Variants in DYNC2LI1 observed in about 807,000 individuals in gnomAD.
DYNC2LI1 encodes cytoplasmic dynein 2 light intermediate chain 1.
Under a neutral mutation model 51.9 loss-of-function variants are expected in DYNC2LI1, and 45 were observed. That is an observed-to-expected ratio of 0.87 (90% CI 0.68 to 1.11). The LOEUF is 1.11. Among genes scored for constraint, DYNC2LI1 ranks in the 50% most tolerant of loss-of-function variants. The probability of loss-of-function intolerance (pLI) is 0.00; values close to 1 mark genes in which losing one functional copy is unlikely to be tolerated. For missense variants in DYNC2LI1, 490 were observed against 417.4 expected, an observed-to-expected ratio of 1.17 and a Z score of -1.51; for synonymous variants, 130 against 137.8, an observed-to-expected ratio of 0.94 and a Z score of 0.40.
chr2:43,817,695 A>G, the DYNC2LI1 span, among the ~76,000 whole-genome samples: 2 of 152,250 alleles, frequency 1.3e-5, no homozygotes, highest in East Asian at 3.9e-4. Flanking sequence ...AGATCACCTG[A>G]GGTCAGGAGT....
At chr2:43,827,714 A>G in the DYNC2LI1 span, among the ~76,000 whole-genome samples, 1 of 152,220 alleles carries the variant, frequency 6.6e-6, no homozygotes, top group Non-Finnish European at 1.5e-5. Flanking sequence ...GCAAGGCTCC[A>G]TATTCAAGGA....
rs552219730 is a variant in DYNC2LI1 at position 43,801,842 on chromosome 2, T to C, written c.802+133T>C. On this transcript the variant is annotated intron_variant, in intron 10 of 12. Transcript: ENST00000260605. ...TCATTGCTGTTATTTCCTGTGTGTT[T>C]GTTTATATGCCCAGTATTAATGTAA... 46 of 628,410 alleles carry C rather than the reference T, an allele frequency of 7.3e-5. No homozygotes were observed. In the South Asian group the frequency reaches 9.2e-4, roughly 13 times the overall value. 38.9% of individuals were successfully genotyped at this position (628,410 alleles called of 1,614,324 possible).
intron 4 of DYNC2LI1, among the ~76,000 whole-genome samples, chr2:43,789,166 C>T (rs1673661968): frequency 6.6e-6 from 1 of 152,132 alleles, no homozygotes; most frequent in Non-Finnish European, 1.5e-5. Context: ...TTTGTTTGTC[C>T]CTTTTCTTCA....
chr2:43,776,506 C>T (rs1224037585), intron 1 of DYNC2LI1, among the ~76,000 whole-genome samples: 3 of 152,112 alleles, frequency 2.0e-5, no homozygotes, highest in Non-Finnish European at 4.4e-5. Flanking sequence ...AGCTATGAAC[C>T]GTAGGGGAAG....
chr2:43,824,552 G>A, the DYNC2LI1 span: 2 of 1,583,434 alleles, frequency 1.3e-6, no homozygotes, highest in Non-Finnish European at 8.5e-7. Context: ...TAAAATTTGT[G>A]GTTAATGCCC....
At position 43,801,633 on chromosome 2, in the gene DYNC2LI1, A is replaced by G; in HGVS notation, c.732-6A>G. 1 of 1,604,732 alleles carries G rather than the reference A, an allele frequency of 6.2e-7. No individual in the cohort carries two copies. Reference sequence around the variant, plus strand: ...CTAATTTAGAATCTTTCTCTTCTCCACGTAGCAAATCAATATGTGTGGATC... The same window carrying G: ...CTAATTTAGAATCTTTCTCTTCTCCGCGTAGCAAATCAATATGTGTGGATC... On this transcript the variant is annotated splice_polypyrimidine_tract_variant and splice_region_variant and intron_variant, in intron 9 of 12. Coordinates refer to ENST00000260605, the MANE Select transcript of DYNC2LI1 (RefSeq NM_016008.4).
At chr2:43,810,738 T>C (rs1242148626), downstream of DYNC2LI1, among the ~76,000 whole-genome samples, 1 of 152,186 alleles carries the variant, frequency 6.6e-6, no homozygotes, top group South Asian at 2.1e-4. Context: ...GAACAGAATT[T>C]TCAGCATGTT....
At chr2:43,826,779 C>T in the DYNC2LI1 span, among the ~76,000 whole-genome samples, 231 of 152,308 alleles carry the variant, frequency 1.5e-3, 1 homozygote, top group African/African-American at 5.1e-3. Context: ...AGGCCTCTTA[C>T]GGGCCATCTG....
intron 5 of DYNC2LI1, among the ~76,000 whole-genome samples, chr2:43,791,509 C>G (rs1673783276): frequency 6.6e-6 from 1 of 151,860 alleles, no homozygotes; most frequent in South Asian, 2.1e-4. Context: ...CAGCTGGGAC[C>G]TGCTTTAGGA....
At chr2:43,826,765 G>T in the DYNC2LI1 span, among the ~76,000 whole-genome samples, 1 of 152,210 alleles carries the variant, frequency 6.6e-6, no homozygotes, top group Non-Finnish European at 1.5e-5. Flanking sequence ...GGAGTAAGGA[G>T]ATCAGGCCTC....
At chr2:43,804,328 G>A (rs917213665) in intron 10 of DYNC2LI1, among the ~76,000 whole-genome samples, 6 of 152,114 alleles carry the variant, frequency 3.9e-5, no homozygotes, top group Admixed American at 1.3e-4. Context: ...CCAGTTTGCA[G>A]GTGTTTCTAG....
chr2:43,781,863 A>C (rs920075251), intron 2 of DYNC2LI1: 2 of 152,126 alleles, frequency 1.3e-5, no homozygotes, highest in Middle Eastern at 3.4e-3. Flanking sequence ...CGGCCTCCCA[A>C]AGTGCTGGGA....
chr2:43,827,127 C>G, the DYNC2LI1 span, among the ~76,000 whole-genome samples: 363 of 152,212 alleles, frequency 2.4e-3, 1 homozygote, highest in Non-Finnish European at 3.7e-3. Context: ...GAGTTCGAGA[C>G]CACCCTGGCC....
intron 8 of DYNC2LI1, among the ~76,000 whole-genome samples, chr2:43,797,380 A>G (rs959765950): frequency 7.9e-5 from 12 of 152,168 alleles, no homozygotes; most frequent in Non-Finnish European, 8.8e-5. Flanking sequence ...GAGGGAGTAC[A>G]TGTGAAATGC....
chr2:43,790,712 TC>T (rs1673743711), intron 5 of DYNC2LI1, among the ~76,000 whole-genome samples: 1 of 152,252 alleles, frequency 6.6e-6, no homozygotes, highest in Non-Finnish European at 1.5e-5. Flanking sequence ...TTCAGCCTTT[TC>T]AATGTCTGTA....
intron 12 of DYNC2LI1, among the ~76,000 whole-genome samples, chr2:43,806,824 A>G (rs190346028): frequency 3.3e-5 from 5 of 152,278 alleles, no homozygotes; most frequent in Non-Finnish European, 4.4e-5. Flanking sequence ...CACAGTACCC[A>G]TATCACCCTT....
At chr2:43,782,280 G>A (rs984214614) in intron 2 of DYNC2LI1, among the ~76,000 whole-genome samples, 14 of 151,766 alleles carry the variant, frequency 9.2e-5, no homozygotes, top group African/African-American at 2.7e-4. Context: ...TTTTTATATT[G>A]TACAATTCCA....
At chr2:43,811,912 C>A (rs1398370154), downstream of DYNC2LI1, among the ~76,000 whole-genome samples, 1 of 152,120 alleles carries the variant, frequency 6.6e-6, no homozygotes, top group African/African-American at 2.4e-5. Context: ...TTTTTAATAA[C>A]CTATTTACAT....
At chr2:43,816,970 G>A in the DYNC2LI1 span, among the ~76,000 whole-genome samples, 2 of 152,198 alleles carry the variant, frequency 1.3e-5, no homozygotes, top group Non-Finnish European at 2.9e-5. Context: ...GTTTAAAAGA[G>A]AAGGGAGCCA....
Sources: allele counts gnomAD v4.1 joint callset (sites outside exome capture counted in the v4.1 genomes callset), GRCh38; gene constraint gnomAD v4.1.1; transcripts MANE v1.5; gene names NCBI Gene and HGNC (gene_info 2026-07-23, HGNC 2026-07-21).